Variants in ARHGAP32 observed in about 807,000 individuals in gnomAD.
ARHGAP32 encodes rho GTPase-activating protein 32.
ARHGAP32 carries 51 observed loss-of-function variants against 186.5 expected under a neutral mutation model. The ratio of observed to expected loss-of-function variants is 0.27; its 90% CI spans 0.22 to 0.35. ARHGAP32 has a LOEUF of 0.35. Among genes scored for constraint, ARHGAP32 ranks in the 10% least tolerant of loss-of-function variants. The pLI is 1.00. For synonymous variants in ARHGAP32, 950 were observed against 964.3 expected, an observed-to-expected ratio of 0.99 and a Z score of 0.27; for missense variants, 2,186 against 2,623.5, an observed-to-expected ratio of 0.83 and a Z score of 3.64.
chr11:129,097,179 T>C (rs544326557), intron 5 of ARHGAP32, among the ~76,000 whole-genome samples: 19 of 151,734 alleles, frequency 1.3e-4, no homozygotes, highest in African/African-American at 4.1e-4. Flanking sequence ...AAAAAATGAA[T>C]CAAAATGAAT....
chr11:129,024,230 T>C, intron 11 of ARHGAP32: 1 of 959,756 alleles, frequency 1.0e-6, no homozygotes, highest in South Asian at 4.8e-5. Flanking sequence ...AAACTCACAC[T>C]TGCAGAACAG....
At chr11:129,187,295 T>C (rs1349947850) in intron 1 of ARHGAP32, among the ~76,000 whole-genome samples, 2 of 152,076 alleles carry the variant, frequency 1.3e-5, no homozygotes, top group Non-Finnish European at 2.9e-5. Flanking sequence ...TTCTCACTTA[T>C]TTGTGTGATC....
chr11:129,210,079 C>T (rs1032113791), intron 1 of ARHGAP32, among the ~76,000 whole-genome samples: 1 of 152,120 alleles, frequency 6.6e-6, no homozygotes, highest in Non-Finnish European at 1.5e-5. Flanking sequence ...AAATTAGGAA[C>T]ATTTGCCTAA....
upstream of ARHGAP32, among the ~76,000 whole-genome samples, chr11:129,193,319 GGGGGGGGGCGGGA>G (rs1178110744): frequency 1.5e-4 from 3 of 20,064 alleles, no homozygotes; most frequent in Non-Finnish European, 2.9e-4. Flanking sequence ...GGGGGGGGGG[GGGGGGGGGCGGGA>G]AACAGCCAAG....
At chr11:129,251,109 A>G (rs1299739442) in intron 1 of ARHGAP32, among the ~76,000 whole-genome samples, 1 of 152,230 alleles carries the variant, frequency 6.6e-6, no homozygotes, top group African/African-American at 2.4e-5. Flanking sequence ...AATAGACAAG[A>G]AAGTAAACGG....
At chr11:129,276,218 G>A (rs560240893) in intron 1 of ARHGAP32, among the ~76,000 whole-genome samples, 1 of 152,298 alleles carries the variant, frequency 6.6e-6, no homozygotes, top group African/African-American at 2.4e-5. Context: ...AAGTACTACC[G>A]GTGGATTTTC....
chr11:129,107,395 A>G (rs1420124825), intron 5 of ARHGAP32, among the ~76,000 whole-genome samples: 1 of 152,224 alleles, frequency 6.6e-6, no homozygotes, highest in Non-Finnish European at 1.5e-5. Flanking sequence ...ATCTCCAGTT[A>G]AGGTTAATAC....
At chr11:129,033,541 T>G (rs1939200620) in intron 11 of ARHGAP32, among the ~76,000 whole-genome samples, 1 of 152,204 alleles carries the variant, frequency 6.6e-6, no homozygotes, top group Non-Finnish European at 1.5e-5. Context: ...GCAAATATCT[T>G]CCCACACTGT....
intron 2 of ARHGAP32, among the ~76,000 whole-genome samples, chr11:129,137,566 T>C (rs562843349): frequency 6.6e-6 from 1 of 150,884 alleles, no homozygotes; most frequent in South Asian, 2.1e-4. Flanking sequence ...AAACAAACTG[T>C]TTGGGAATAG....
intron 11 of ARHGAP32, among the ~76,000 whole-genome samples, chr11:129,006,895 T>C (rs1044751605): frequency 3.3e-5 from 5 of 152,206 alleles, no homozygotes; most frequent in African/African-American, 1.2e-4. Context: ...TTCAGAAATC[T>C]ACCTGTTGTT....
chr11:129,256,277 T>C (rs958167081), intron 1 of ARHGAP32, among the ~76,000 whole-genome samples: 3 of 151,644 alleles, frequency 2.0e-5, no homozygotes, highest in Non-Finnish European at 2.9e-5. Context: ...GTACTCAACA[T>C]GTGTATGATA....
At chr11:129,065,061 T>G in intron 7 of ARHGAP32, 128 bp from the exon 8 acceptor site, 2 of 683,290 alleles carry the variant, frequency 2.9e-6, no homozygotes, top group South Asian at 4.2e-5. Flanking sequence ...AGAGGACTCT[T>G]CACAGAAACT....
intron 5 of ARHGAP32, among the ~76,000 whole-genome samples, chr11:129,102,729 T>G (rs1359278487): frequency 1.3e-5 from 2 of 152,150 alleles, no homozygotes; most frequent in African/African-American, 4.8e-5. Flanking sequence ...GGTTTCAAAT[T>G]AGAGTGACTA....
At chr11:129,145,484 AG>A (rs1190165319) in intron 2 of ARHGAP32, among the ~76,000 whole-genome samples, 1 of 147,968 alleles carries the variant, frequency 6.8e-6, no homozygotes, top group Admixed American at 6.8e-5. Context: ...AAGACCTAGA[AG>A]AACCATTGTC....
intron 10 of ARHGAP32, 45 bp from the exon 11 acceptor site, chr11:129,041,054 C>T (rs1490684216): frequency 1.5e-6 from 2 of 1,346,452 alleles, no homozygotes; most frequent in African/African-American, 1.4e-5. Context: ...AGCAAACAGA[C>T]CAATTATGTG....
chr11:129,172,237 G>C (rs1591669964), intron 1 of ARHGAP32, among the ~76,000 whole-genome samples: 1 of 152,282 alleles, frequency 6.6e-6, no homozygotes, highest in South Asian at 2.1e-4. Flanking sequence ...GGGCACCCTT[G>C]TCTTGTACTG....
At chr11:129,248,945 T>C (rs568667726) in intron 1 of ARHGAP32, among the ~76,000 whole-genome samples, 6 of 152,338 alleles carry the variant, frequency 3.9e-5, no homozygotes, top group African/African-American at 1.4e-4. Context: ...CTCATGGAGC[T>C]TGGAGTCCAT....
At chr11:129,203,975 T>C (rs1944487202) in intron 1 of ARHGAP32, among the ~76,000 whole-genome samples, 1 of 147,986 alleles carries the variant, frequency 6.8e-6, no homozygotes, top group East Asian at 1.9e-4. Flanking sequence ...CATATAAAAG[T>C]ACATATATAC....
At chr11:129,094,282 T>C (rs1941666849) in intron 5 of ARHGAP32, among the ~76,000 whole-genome samples, 1 of 152,202 alleles carries the variant, frequency 6.6e-6, no homozygotes, top group Non-Finnish European at 1.5e-5. Flanking sequence ...ATACCCCATT[T>C]TCCATGATGC....
Sources: allele counts gnomAD v4.1 joint callset (sites outside exome capture counted in the v4.1 genomes callset), GRCh38; gene constraint gnomAD v4.1.1; transcripts MANE v1.5; gene names NCBI Gene and HGNC (gene_info 2026-07-23, HGNC 2026-07-21).